The following KLF12 variants were observed in gnomAD, a reference collection of about 807,000 sequenced individuals.
The protein encoded by KLF12 is Krueppel-like factor 12.
In KLF12, 9 loss-of-function variants were observed where a neutral mutation model predicts 37.8. The ratio of observed to expected loss-of-function variants is 0.24; its 90% CI spans 0.14 to 0.42. The LOEUF is 0.42. Ranked by LOEUF, KLF12 falls within the 10% of genes least tolerant of loss-of-function variation. KLF12 has a pLI of 1.00. For missense variants in KLF12, 411 were observed against 516.0 expected (o/e 0.80, Z 1.97); for synonymous variants, 208 against 202.1 (o/e 1.03, Z -0.25).
the KLF12 span, among the ~76,000 whole-genome samples, chr13:74,239,159 T>C: frequency 6.7e-6 from 1 of 148,678 alleles, no homozygotes; most frequent in Non-Finnish European, 1.5e-5. Context: ...CTCGTTGGTT[T>C]CAAAGAACAT....
intron 6 of KLF12, 57 bp downstream of exon 6, chr13:73,764,881 G>T: frequency 1.1e-6 from 1 of 917,694 alleles, no homozygotes; most frequent in Non-Finnish European, 1.8e-6. Flanking sequence ...TTTAACATAA[G>T]CCCTATTAAA....
intron 5 of KLF12, among the ~76,000 whole-genome samples, chr13:73,808,095 A>G (rs2138397856): frequency 6.6e-6 from 1 of 152,284 alleles, no homozygotes; most frequent in Middle Eastern, 3.4e-3. Flanking sequence ...TGCTCTTATC[A>G]TGTGCCTTTA....
At chr13:73,733,043 C>G (rs903499508) in intron 6 of KLF12, among the ~76,000 whole-genome samples, 2 of 152,168 alleles carry the variant, frequency 1.3e-5, no homozygotes, top group African/African-American at 4.8e-5. Flanking sequence ...TCTTCACTGC[C>G]ATACTCATCT....
At chr13:73,973,545 G>C (rs1891406141) in intron 2 of KLF12, among the ~76,000 whole-genome samples, 1 of 152,130 alleles carries the variant, frequency 6.6e-6, no homozygotes, top group African/African-American at 2.4e-5. Context: ...CAAAACGGAA[G>C]ATATAATAAC....
At chr13:74,030,201 G>A (rs1893078639) in intron 1 of KLF12, among the ~76,000 whole-genome samples, 1 of 152,070 alleles carries the variant, frequency 6.6e-6, no homozygotes, top group African/African-American at 2.4e-5. Context: ...GTTTTAGCCA[G>A]TATGGTAGCC....
chr13:74,076,566 G>A (rs1874574515), intron 1 of KLF12, among the ~76,000 whole-genome samples: 1 of 152,184 alleles, frequency 6.6e-6, no homozygotes, highest in Admixed American at 6.5e-5. Context: ...CATGAGAGGA[G>A]AAGCCCTCAT....
chr13:74,233,676 C>T, the KLF12 span, among the ~76,000 whole-genome samples: 3 of 152,148 alleles, frequency 2.0e-5, no homozygotes, highest in Non-Finnish European at 2.9e-5. Flanking sequence ...TAATTTTAAT[C>T]TCAAATCTAG....
chr13:73,811,815 A>G (rs1882955268), intron 5 of KLF12, among the ~76,000 whole-genome samples: 1 of 152,218 alleles, frequency 6.6e-6, no homozygotes, highest in Non-Finnish European at 1.5e-5. Context: ...TTCATATACA[A>G]TATCAACATA....
chr13:74,040,990 A>G (rs1011650869), intron 1 of KLF12, among the ~76,000 whole-genome samples: 1 of 152,174 alleles, frequency 6.6e-6, no homozygotes, highest in South Asian at 2.1e-4. Context: ...CTTCTTGTCC[A>G]TTTGCATTGC....
chr13:73,794,495 A>G (rs1000067919), intron 5 of KLF12, among the ~76,000 whole-genome samples: 1 of 152,206 alleles, frequency 6.6e-6, no homozygotes, highest in African/African-American at 2.4e-5. Context: ...TTACGAATAC[A>G]TAATTATACA....
At chr13:74,291,523 G>T in the KLF12 span, among the ~76,000 whole-genome samples, 57 of 152,296 alleles carry the variant, frequency 3.7e-4, no homozygotes, top group African/African-American at 1.3e-3. Flanking sequence ...TTCATTGTCA[G>T]TTGGCGAAGC....
the KLF12 span, among the ~76,000 whole-genome samples, chr13:74,183,424 A>G: frequency 3.8e-3 from 585 of 152,148 alleles, 1 homozygote; most frequent in Non-Finnish European, 6.7e-3. Context: ...TCCTTTCCAA[A>G]TGCTACCATC....
chr13:74,136,340 A>G (rs1435899590), upstream of KLF12, among the ~76,000 whole-genome samples: 4 of 152,204 alleles, frequency 2.6e-5, no homozygotes, highest in African/African-American at 4.8e-5. Context: ...CTTACACTCC[A>G]CTACACCCGG....
upstream of KLF12, among the ~76,000 whole-genome samples, chr13:74,137,761 A>C (rs752819406): frequency 2.6e-5 from 4 of 151,772 alleles, no homozygotes; most frequent in Non-Finnish European, 5.9e-5. Flanking sequence ...TATTTTATTT[A>C]TTTATTTATT....
chr13:73,894,773 CT>C (rs1156729024), intron 3 of KLF12, among the ~76,000 whole-genome samples: 1 of 152,130 alleles, frequency 6.6e-6, no homozygotes, highest in Admixed American at 6.5e-5. Context: ...ATTCTTTTGA[CT>C]TTTTCCATTA....
rs1045903030 is a variant in KLF12, at chr13:74,001,274, T to C, written c.-31-6221A>G. Among the ~76,000 whole-genome samples, 3 of 152,242 alleles carry C rather than the reference T, an allele frequency of 2.0e-5. No homozygotes were observed. In the East Asian group the frequency reaches 5.8e-4, roughly 29 times the overall value. The stretch of plus-strand genomic sequence containing the variant: ...GGAAGGGAAGAATAGGGTGCCCATT[T>C]ACCCAGTAATCTCCAGCACTACTTG... On this transcript the variant is annotated intron_variant, in intron 1 of 7. Transcript: ENST00000377669.
At chr13:73,940,272 C>T (rs963837579) in intron 3 of KLF12, among the ~76,000 whole-genome samples, 8 of 152,258 alleles carry the variant, frequency 5.3e-5, no homozygotes, top group African/African-American at 1.9e-4. Context: ...CTTGCTGTGC[C>T]CCTGAAGCGT....
intron 6 of KLF12, among the ~76,000 whole-genome samples, chr13:73,757,911 TGTTA>T (rs1457174838): frequency 6.6e-6 from 1 of 152,200 alleles, no homozygotes; most frequent in Non-Finnish European, 1.5e-5. Context: ...TAAGTTGATA[TGTTA>T]ATTAAACATG....
At chr13:74,222,978 A>G in the KLF12 span, among the ~76,000 whole-genome samples, 1 of 152,252 alleles carries the variant, frequency 6.6e-6, no homozygotes, top group African/African-American at 2.4e-5. Context: ...AGACTTAGAA[A>G]AGAAATTGCT....
Sources: allele counts gnomAD v4.1 joint callset (sites outside exome capture counted in the v4.1 genomes callset), GRCh38; gene constraint gnomAD v4.1.1; transcripts MANE v1.5; gene names NCBI Gene and HGNC (gene_info 2026-07-23, HGNC 2026-07-21).